The following DIS3L2 variants were observed in gnomAD, a reference collection of about 807,000 sequenced individuals.
DIS3L2 encodes the protein DIS3 like 3'-5' exoribonuclease 2, also known as DIS3-like exonuclease 2.
DIS3L2 carries 34 observed loss-of-function variants against 97.5 expected under a neutral mutation model. The observed-to-expected ratio is 0.35, with a 90% confidence interval of 0.27 to 0.46. DIS3L2 has a LOEUF of 0.46. Ranked by LOEUF, DIS3L2 falls within the 20% of genes least tolerant of loss-of-function variation. DIS3L2 has a pLI of 1.00. For synonymous variants in DIS3L2, 435 were observed against 445.2 expected (o/e 0.98, Z 0.29); for missense variants, 1,038 against 1,146.0 (o/e 0.91, Z 1.36).
At chr2:231,979,757 T>C (rs955292854) in intron 1 of DIS3L2, among the ~76,000 whole-genome samples, 2 of 152,046 alleles carry the variant, frequency 1.3e-5, no homozygotes, top group African/African-American at 4.8e-5. Context: ...TTTGTATTTT[T>C]AGAAGAGATG....
rs575369751 is a variant in DIS3L2 at position 232,125,757 on chromosome 2, G to T, written c.602-4862G>T. ...TGCCTTGACAGGAGCTAGATGTGGG[G>T]TCCTAGAATGATCATAAGCACTCGT... On this transcript the variant is annotated intron_variant, in intron 6 of 20. Coordinates refer to ENST00000325385, the MANE Select transcript of DIS3L2 (RefSeq NM_152383.5). 3.3e-5 allele frequency among the ~76,000 whole-genome samples: 5 copies of T among 152,238 alleles called. No homozygotes were observed. In the South Asian group the frequency reaches 8.3e-4, roughly 25 times the overall value.
intron 7 of DIS3L2, 30 bp from the exon 8 acceptor site, chr2:232,136,442 C>T: frequency 1.2e-6 from 2 of 1,609,824 alleles, no homozygotes; most frequent in Non-Finnish European, 1.7e-6. Context: ...TGCAGATAAA[C>T]AACATTGACT....
chr2:232,306,774 C>T (rs1694994794), intron 14 of DIS3L2, among the ~76,000 whole-genome samples: 1 of 152,246 alleles, frequency 6.6e-6, no homozygotes, highest in South Asian at 2.1e-4. Flanking sequence ...GGACTGGGCA[C>T]TCCTCAGCAG....
intron 11 of DIS3L2, among the ~76,000 whole-genome samples, chr2:232,239,298 A>G (rs924466213): frequency 6.6e-6 from 1 of 152,210 alleles, no homozygotes; most frequent in African/African-American, 2.4e-5. Flanking sequence ...GGCACATTCA[A>G]TAGGTAACCA....
intron 16 of DIS3L2, among the ~76,000 whole-genome samples, chr2:232,333,381 G>A (rs1391536442): frequency 7.9e-6 from 1 of 126,120 alleles, no homozygotes; most frequent in East Asian, 2.8e-4. Context: ...TAGCAGCCCC[G>A]GCCCCATGCT....
At chr2:232,330,986 T>C (rs1559216985) in intron 16 of DIS3L2, among the ~76,000 whole-genome samples, 1 of 152,192 alleles carries the variant, frequency 6.6e-6, no homozygotes, top group Non-Finnish European at 1.5e-5. Context: ...CCTCTTGAGT[T>C]TGAGCCGCTG....
chr2:232,255,031 T>C (rs998709466), intron 12 of DIS3L2, among the ~76,000 whole-genome samples: 1 of 152,182 alleles, frequency 6.6e-6, no homozygotes, highest in African/African-American at 2.4e-5. Context: ...ACAATCAAGA[T>C]GCATGAAATG....
chr2:232,248,768 G>A (rs1428155533), intron 11 of DIS3L2, among the ~76,000 whole-genome samples: 3 of 152,216 alleles, frequency 2.0e-5, no homozygotes, highest in African/African-American at 7.2e-5. Context: ...GTTCCAACAT[G>A]TAATTTGGTA....
chr2:232,181,450 C>T (rs1204937176), intron 9 of DIS3L2, among the ~76,000 whole-genome samples: 1 of 152,114 alleles, frequency 6.6e-6, no homozygotes, highest in African/African-American at 2.4e-5. Context: ...CAGAGTGACA[C>T]CAATGAGACG....
At chr2:231,975,124 C>T (rs1377932609) in intron 1 of DIS3L2, among the ~76,000 whole-genome samples, 1 of 152,060 alleles carries the variant, frequency 6.6e-6, no homozygotes, top group African/African-American at 2.4e-5. Context: ...CTTAGAATCT[C>T]AGATGGGACT....
intron 14 of DIS3L2, among the ~76,000 whole-genome samples, chr2:232,301,663 T>C (rs771632491): frequency 6.6e-6 from 1 of 152,178 alleles, no homozygotes; most frequent in Non-Finnish European, 1.5e-5. Context: ...CCAGACATCC[T>C]TTAACAATTC....
intron 1 of DIS3L2, among the ~76,000 whole-genome samples, chr2:231,981,719 G>A (rs1358748909): frequency 6.8e-6 from 1 of 147,990 alleles, no homozygotes; most frequent in African/African-American, 2.5e-5. Context: ...CTTATTAAGT[G>A]TCCTTTTTTT....
chr2:231,981,089 A>G (rs55857030), intron 1 of DIS3L2, among the ~76,000 whole-genome samples: 6 of 152,052 alleles, frequency 3.9e-5, no homozygotes, highest in Admixed American at 3.3e-4. Context: ...GATTACAGGC[A>G]TGCACCACCA....
At chr2:232,215,422 C>A (rs144626782) in intron 10 of DIS3L2, among the ~76,000 whole-genome samples, 27 of 152,308 alleles carry the variant, frequency 1.8e-4, no homozygotes, top group African/African-American at 5.5e-4. Flanking sequence ...AGCATCCAGC[C>A]TAAGGGGCCT....
intron 14 of DIS3L2, among the ~76,000 whole-genome samples, chr2:232,308,926 G>A (rs751480805): frequency 5.3e-5 from 8 of 152,118 alleles, no homozygotes; most frequent in East Asian, 1.9e-4. Flanking sequence ...TGATGGGTTC[G>A]TTCAGGTGCT....
intron 10 of DIS3L2, among the ~76,000 whole-genome samples, chr2:232,220,596 A>T (rs963982672): frequency 6.6e-6 from 1 of 152,050 alleles, no homozygotes; most frequent in Non-Finnish European, 1.5e-5. Flanking sequence ...AATCCCAGCT[A>T]CTTGGAAGGC....
chr2:232,331,432 G>T (rs1457781609), intron 16 of DIS3L2, among the ~76,000 whole-genome samples: 1 of 152,240 alleles, frequency 6.6e-6, no homozygotes, highest in Non-Finnish European at 1.5e-5. Context: ...TATTTTAGGG[G>T]CTCGGTCACT....
rs547759840 is a variant in DIS3L2, at chr2:232,110,494, A to G, written c.602-20125A>G. 9.2e-5 allele frequency among the ~76,000 whole-genome samples: 14 copies of G among 152,264 alleles called. No homozygotes were observed. The South Asian group carries it at 1.5e-3, about 16-fold the overall frequency. On this transcript the variant is annotated intron_variant, in intron 6 of 20. Transcript: ENST00000325385. ...TAAAGAAAATGTGGTACATACACAC[A>G]TTTTCTATGAATACTTTGCAGCATA... is the stretch of plus-strand genomic sequence containing the variant.
chr2:232,333,445 A>T (rs1695830466), intron 16 of DIS3L2, among the ~76,000 whole-genome samples: 1 of 151,992 alleles, frequency 6.6e-6, no homozygotes, highest in East Asian at 1.9e-4. Flanking sequence ...GCAGTGACTC[A>T]GCAGGGACTG....
Sources: allele counts gnomAD v4.1 joint callset (sites outside exome capture counted in the v4.1 genomes callset), GRCh38; gene constraint gnomAD v4.1.1; transcripts MANE v1.5; gene names NCBI Gene and HGNC (gene_info 2026-07-23, HGNC 2026-07-21).